Variants in UGT2B17 observed in about 807,000 individuals in gnomAD.
UGT2B17 encodes the protein UDP-glucuronosyltransferase 2B17.
UGT2B17 carries 21 observed loss-of-function variants against 48.2 expected under a neutral mutation model. The observed-to-expected ratio is 0.44, with a 90% CI of 0.31 to 0.63. The LOEUF is 0.63. Among genes scored for constraint, UGT2B17 ranks in the 20% least tolerant of loss-of-function variants. The pLI, the probability that UGT2B17 is intolerant of heterozygous loss-of-function variation, is 0.08. For missense variants in UGT2B17, 402 were observed against 696.1 expected, an observed-to-expected ratio of 0.58 and a Z score of 4.75; for synonymous variants, 146 against 238.4, an observed-to-expected ratio of 0.61 and a Z score of 3.57.
rs779717816 is a variant in UGT2B17 at position 68,554,565 on chromosome 4, T to G, written c.1006-2654A>C. Among the ~76,000 whole-genome samples the G allele has an allele frequency of 3.4e-4, 43 of 126,102 alleles. 10 individuals carry two copies. Among genetic ancestry groups the G allele is most frequent in the Non-Finnish European group, 6.6e-4 (39 of 59,474 alleles). 82.7% of individuals were successfully genotyped at this position (126,102 alleles called of 152,430 possible). A position where few individuals can be genotyped will look rare whatever the true frequency, so the allele number is the denominator to read the frequency against. On this transcript the variant is annotated intron_variant, in intron 4 of 6. Transcript: ENST00000317746. ...TTTTTTTATCTCATAGCTAAATTTCTGAAGTAAAAACCACATAATCTTTTG... is the reference window on the plus strand; with the variant it reads ...TTTTTTTATCTCATAGCTAAATTTCGGAAGTAAAAACCACATAATCTTTTG...
rs1487519243 is a variant in UGT2B17, at chr4:68,553,187, G to A, written c.1006-1276C>T. Among the ~76,000 whole-genome samples, 9 of 125,104 alleles carry A rather than the reference G, an allele frequency of 7.2e-5. 1 individual carries two copies. The highest frequency in any genetic ancestry group is 8.4e-5 in the Non-Finnish European group (5 of 59,236). 82.1% of individuals were successfully genotyped at this position (125,104 alleles called of 152,430 possible). The stretch of plus-strand genomic sequence containing the variant: ...AGATTTGACAAACTTTACCTGACTT[G>A]ATCATATCTGAGTGAGAATTCCAAA... On this transcript the variant is annotated intron_variant, in intron 4 of 6. Coordinates refer to ENST00000317746, the MANE Select transcript of UGT2B17 (RefSeq NM_001077.4).
At chr4:68,546,962 G>C (rs1286918816) in intron 6 of UGT2B17, among the ~76,000 whole-genome samples, 1 of 125,720 alleles carries the variant, frequency 8.0e-6, no homozygotes, top group Admixed American at 8.2e-5. Flanking sequence ...CCATGCTCAT[G>C]GGTAGGAAGA....
At position 68,571,294 on chromosome 4, in the gene UGT2B17, G is replaced by T. The variant is rs765980690; in HGVS notation, c.-64-2746C>A. Among the ~76,000 whole-genome samples, 5 of 125,662 alleles carry T rather than the reference G, an allele frequency of 4.0e-5. 1 individual carries two copies. The highest frequency in any genetic ancestry group is 5.0e-5 in the Non-Finnish European group (3 of 59,484). 82.4% of individuals were successfully genotyped at this position (125,662 alleles called of 152,430 possible). ...CTAGAAGTTCATGTTTTTATGGGCAGTAAGAAGAAAGAAGGCTTAATGGTG... is the reference window on the plus strand; with the variant it reads ...CTAGAAGTTCATGTTTTTATGGGCATTAAGAAGAAAGAAGGCTTAATGGTG... On this transcript the variant is annotated intron_variant, in intron 1 of 6. Coordinates refer to ENST00000317746, the MANE Select transcript of UGT2B17 (RefSeq NM_001077.4).
In UGT2B17 at chr4:68,567,091, C is replaced by T. The variant is rs1279078164; in HGVS notation, c.724+670G>A. On this transcript the variant is annotated intron_variant, in intron 2 of 6. Coordinates refer to ENST00000317746, the MANE Select transcript of UGT2B17 (RefSeq NM_001077.4). Reference sequence around the variant, plus strand: ...TATTGACATAGAGATATGTGCTCTTCCTTATTTTGGCCCCTATTTTCTTTG... The same window carrying T: ...TATTGACATAGAGATATGTGCTCTTTCTTATTTTGGCCCCTATTTTCTTTG... Among the ~76,000 whole-genome samples, 5 of 125,524 alleles carry T rather than the reference C, an allele frequency of 4.0e-5. 2 individuals carry two copies. Among genetic ancestry groups the T allele is most frequent in the Admixed American group, 1.6e-4 (2 of 12,150 alleles). The allele number at this position is 125,524 out of a possible 152,430, so 82.3% of individuals were successfully genotyped here.
chr4:68,556,589 TG>T (rs1326975820), intron 4 of UGT2B17, among the ~76,000 whole-genome samples: 5 of 125,878 alleles, frequency 4.0e-5, no homozygotes, highest in Admixed American at 3.2e-4. Flanking sequence ...GACCAACATA[TG>T]GGCCCCTGTG....
At position 68,574,576 on chromosome 4, in the gene UGT2B17, T is replaced by A. The variant is rs1382294477; in HGVS notation, c.-65+1375A>T. Among the ~76,000 whole-genome samples the A allele has an allele frequency of 2.4e-5, 3 of 127,160 alleles. 1 individual carries two copies. The highest frequency in any genetic ancestry group is 8.1e-5 in the African/African-American group (3 of 37,228). 83.4% of individuals were successfully genotyped at this position (127,160 alleles called of 152,430 possible). A position where few individuals can be genotyped will look rare whatever the true frequency, so the allele number is the denominator to read the frequency against. On this transcript the variant is annotated intron_variant, in intron 1 of 6. Coordinates refer to ENST00000317746, the MANE Select transcript of UGT2B17 (RefSeq NM_001077.4). ...TTTACACACAGAATTTTCTTTAAAT[T>A]AACATTTTAAAACTTGCTTGAACTT...
Position 68,567,767 on chromosome 4 carries a change from C to T in UGT2B17, c.718G>A (p.Val240Ile), listed in dbSNP as rs1451734451. 1.5e-6 allele frequency: 2 copies of T among 1,333,566 alleles called. No homozygotes were observed. The highest frequency in any genetic ancestry group is 1.9e-6 in the Non-Finnish European group (2 of 1,036,246). The allele number at this position is 1,333,566 out of a possible 1,614,324, so 82.6% of individuals were successfully genotyped here. ...AATTGGACACACGACTTACCTAGAA[C>T]TTCACTATAAAACTGGTCCCACTTC... ...LKKWDQFYSE[V>I]LGRPTTLFET... Residue 240 changes from valine (V) to isoleucine (I), a missense_variant, in exon 2 of 7, where the codon GTT (valine) becomes ATT (isoleucine). Around this residue, in one of 5 missense-constraint regions of UGT2B17, gnomAD observed 106 missense variants for 169.8 expected, o/e 0.62. Transcript: ENST00000317746.
At position 68,557,722 on chromosome 4, in the gene UGT2B17, A is replaced by G. The variant is rs557246636; in HGVS notation, c.1005+2815T>C. ...ATTTGCATAAGTGCAATAAGAATCT[A>G]TTTTCATTTTTAACAAAACACAATT... On this transcript the variant is annotated intron_variant, in intron 4 of 6. Transcript: ENST00000317746. Among the ~76,000 whole-genome samples, 830 of 126,878 alleles carry G rather than the reference A, an allele frequency of 6.5e-3. 83 individuals are homozygous for G. Among genetic ancestry groups the G allele is most frequent in the African/African-American group, 0.021 (801 of 37,266 alleles). 83.2% of individuals were successfully genotyped at this position (126,878 alleles called of 152,430 possible).
At position 68,567,634 on chromosome 4, in the gene UGT2B17, A is replaced by T. The variant is rs1731223002; in HGVS notation, c.724+127T>A. On this transcript the variant is annotated intron_variant, in intron 2 of 6. Coordinates refer to ENST00000317746, the MANE Select transcript of UGT2B17 (RefSeq NM_001077.4). ...TCTATATTTTTGAGACTCATAGATCATCTTACATTTGCAATTCATAATTTC... is the reference window on the plus strand; with the variant it reads ...TCTATATTTTTGAGACTCATAGATCTTCTTACATTTGCAATTCATAATTTC... 2.7e-6 allele frequency: 2 copies of T among 753,082 alleles called. 1 individual carries two copies. Among genetic ancestry groups the T allele is most frequent in the Non-Finnish European group, 3.7e-6 (2 of 542,622 alleles). 46.6% of individuals were successfully genotyped at this position (753,082 alleles called of 1,614,324 possible). A position where few individuals can be genotyped will look rare whatever the true frequency, so the allele number is the denominator to read the frequency against.
intron 4 of UGT2B17, among the ~76,000 whole-genome samples, chr4:68,553,794 C>G (rs1730955952): frequency 8.3e-6 from 1 of 121,008 alleles, no homozygotes; most frequent in African/African-American, 2.8e-5. Flanking sequence ...TTTTATTCCC[C>G]AAATTAATCT....
chr4:68,573,134 T>C lies in UGT2B17; in HGVS notation c.-65+2817A>G, dbSNP rs1482583350. ...GGAGACTTTATGTTTAGGTTTTTCC[T>C]AAGAGTTAGCTTATTTGCTTCTTGT... On this transcript the variant is annotated intron_variant, in intron 1 of 6. Coordinates refer to ENST00000317746, the MANE Select transcript of UGT2B17 (RefSeq NM_001077.4). Among the ~76,000 whole-genome samples, 3 of 127,712 alleles carry C rather than the reference T, an allele frequency of 2.3e-5. 1 individual carries two copies. The highest frequency in any genetic ancestry group is 5.0e-5 in the Non-Finnish European group (3 of 59,994). 83.8% of individuals were successfully genotyped at this position (127,712 alleles called of 152,430 possible). A position where few individuals can be genotyped will look rare whatever the true frequency, so the allele number is the denominator to read the frequency against.
chr4:68,567,931 C>T lies in UGT2B17; in HGVS notation c.554G>A (p.Gly185Asp), dbSNP rs1381394624. 1 of 1,380,118 alleles carries T rather than the reference C, an allele frequency of 7.2e-7. No individual in the cohort carries two copies. The highest frequency in any genetic ancestry group is 9.5e-7 in the Non-Finnish European group (1 of 1,054,868). 85.5% of individuals were successfully genotyped at this position (1,380,118 alleles called of 1,614,324 possible). Residue 185 changes from glycine to aspartate, a missense_variant, in exon 2 of 7, where the codon GGT (glycine) becomes GAT (aspartate). Physicochemically the swap from Gly to Asp is moderately conservative, Grantham distance 94. This residue lies in a region of UGT2B17 where 106 missense variants were observed against 169.8 expected (regional missense o/e 0.62). Transcript: ENST00000317746. Reference protein sequence around the residue: ...FSVGYTVEKNGGGFLFPPSYV... With the variant: ...FSVGYTVEKNDGGFLFPPSYV... ...GGAAGGAGGGAACAGAAATCCTCCA[C>T]CATTCTTCTCAACTGTGTAGCCAAC...
chr4:68,546,252 G>T (rs1172815130), intron 6 of UGT2B17, among the ~76,000 whole-genome samples: 1 of 126,114 alleles, frequency 7.9e-6, no homozygotes, highest in Non-Finnish European at 1.7e-5. Flanking sequence ...TCATCCCTGG[G>T]ATGCAAGGCT....
At position 68,575,042 on chromosome 4, in the gene UGT2B17, A is replaced by T. The variant is rs1214143967; in HGVS notation, c.-65+909T>A. Among the ~76,000 whole-genome samples, 4 of 122,074 alleles carry T rather than the reference A, an allele frequency of 3.3e-5. 1 individual carries two copies. Among genetic ancestry groups the T allele is most frequent in the Admixed American group, 1.7e-4 (2 of 11,702 alleles). The allele number at this position is 122,074 out of a possible 152,430, so 80.1% of individuals were successfully genotyped here. On this transcript the variant is annotated intron_variant, in intron 1 of 6. Coordinates refer to ENST00000317746, the MANE Select transcript of UGT2B17 (RefSeq NM_001077.4). ...CTAGACTGTCTAAGGCCACAAGATTAGAAGTTACCATAATATGTGTTACAC... is the reference window on the plus strand; with the variant it reads ...CTAGACTGTCTAAGGCCACAAGATTTGAAGTTACCATAATATGTGTTACAC...
Position 68,552,594 on chromosome 4 carries a change from A to C in UGT2B17, c.1006-683T>G, listed in dbSNP as rs1396205600. Among the ~76,000 whole-genome samples the C allele has an allele frequency of 8.0e-5, 10 of 125,548 alleles. 2 individuals are homozygous for C. Among genetic ancestry groups the C allele is most frequent in the African/African-American group, 2.2e-4 (8 of 36,794 alleles). 82.4% of individuals were successfully genotyped at this position (125,548 alleles called of 152,430 possible). A position where few individuals can be genotyped will look rare whatever the true frequency, so the allele number is the denominator to read the frequency against. On this transcript the variant is annotated intron_variant, in intron 4 of 6. Coordinates refer to ENST00000317746, the MANE Select transcript of UGT2B17 (RefSeq NM_001077.4). ...TTGGCAAAATAAACTTTCTAAATTA[A>C]CTGAGACCTGCCTCAGATATTCAGG... is the stretch of plus-strand genomic sequence containing the variant.
Position 68,549,849 on chromosome 4 carries a change from T to C in UGT2B17, c.1313+828A>G, listed in dbSNP as rs1190165917. Among the ~76,000 whole-genome samples, 3 of 125,494 alleles carry C rather than the reference T, an allele frequency of 2.4e-5. 1 individual carries two copies. Among genetic ancestry groups the C allele is most frequent in the Non-Finnish European group, 5.1e-5 (3 of 59,308 alleles). 82.3% of individuals were successfully genotyped at this position (125,494 alleles called of 152,430 possible). A position where few individuals can be genotyped will look rare whatever the true frequency, so the allele number is the denominator to read the frequency against. On this transcript the variant is annotated intron_variant, in intron 6 of 6. Coordinates refer to ENST00000317746, the MANE Select transcript of UGT2B17 (RefSeq NM_001077.4). ...TACACAGAAAATATGTATAACAATA[T>C]TCGTAAGTGCCAAAATTGGAAAGAC...
rs1281162465 is a variant in UGT2B17, at chr4:68,550,352, T to C, written c.1313+325A>G. On this transcript the variant is annotated intron_variant, in intron 6 of 6. Transcript: ENST00000317746. ...TTCATACTTTCAGAAATTTTAGGTA[T>C]TGAATTGAAATATTTTATCATATTT... 1.4e-4 allele frequency among the ~76,000 whole-genome samples: 18 copies of C among 125,902 alleles called. 2 individuals carry two copies. Among genetic ancestry groups the C allele is most frequent in the African/African-American group, 4.9e-4 (18 of 37,068 alleles). The allele number at this position is 125,902 out of a possible 152,430, so 82.6% of individuals were successfully genotyped here. A position where few individuals can be genotyped will look rare whatever the true frequency, so the allele number is the denominator to read the frequency against.
chr4:68,567,463 T>C (rs1343320344), intron 2 of UGT2B17, among the ~76,000 whole-genome samples: 2 of 126,508 alleles, frequency 1.6e-5, no homozygotes, highest in Non-Finnish European at 3.4e-5. Flanking sequence ...TCTATTGACT[T>C]TTTTAAAGAT....
rs1731222424 is a variant in UGT2B17 at position 68,567,603 on chromosome 4, C to G, written c.724+158G>C. On this transcript the variant is annotated intron_variant, in intron 2 of 6. Coordinates refer to ENST00000317746, the MANE Select transcript of UGT2B17 (RefSeq NM_001077.4). The stretch of plus-strand genomic sequence containing the variant: ...AGGGTTCTAACTGATTCTATAAGGT[C>G]AACATTCTATATTTTTGAGACTCAT... Among the ~76,000 whole-genome samples, 5 of 124,720 alleles carry G rather than the reference C, an allele frequency of 4.0e-5. 2 individuals carry two copies. The highest frequency in any genetic ancestry group is 1.4e-4 in the African/African-American group (5 of 36,428). 81.8% of individuals were successfully genotyped at this position (124,720 alleles called of 152,430 possible).
Sources: gnomAD v4.1 joint callset for allele counts (sites outside exome capture counted in the v4.1 genomes callset) on GRCh38, gnomAD v4.1.1 for gene constraint, gnomAD v4.1.1 regional missense constraint, MANE v1.5 for transcripts, NCBI Gene and HGNC (gene_info 2026-07-23, HGNC 2026-07-21) for gene names.